Variants in ATP2A3 observed in about 807,000 individuals in gnomAD.
The protein encoded by ATP2A3 is sarcoplasmic/endoplasmic reticulum calcium ATPase 3.
In ATP2A3, 61 loss-of-function variants were observed where a neutral mutation model predicts 106.8. That is an observed-to-expected ratio of 0.57 (90% CI 0.46 to 0.71). The LOEUF is 0.71. Among genes scored for constraint, ATP2A3 ranks in the 30% least tolerant of loss-of-function variants. The pLI, the probability that ATP2A3 is intolerant of heterozygous loss-of-function variation, is 0.00. For missense variants in ATP2A3, 1,201 were observed against 1,423.5 expected, an observed-to-expected ratio of 0.84 and a Z score of 2.52; for synonymous variants, 611 against 609.3, an observed-to-expected ratio of 1.00 and a Z score of -0.04.
At position 3,947,789 on chromosome 17, in the gene ATP2A3, C is replaced by G; in HGVS notation, c.697G>C (p.Gly233Arg). 6.2e-7 allele frequency: 1 copy of G among 1,601,902 alleles called. No homozygotes were observed. Among genetic ancestry groups the G allele is most frequent in the Non-Finnish European group, 8.5e-7 (1 of 1,179,858 alleles). Reference sequence around the variant, plus strand: ...GCCGCCATCTGGCTCCGGATCTTGCCCAGCTCCGTGTGCAGGCCGGTGGCC... The same window carrying G: ...GCCGCCATCTGGCTCCGGATCTTGCGCAGCTCCGTGTGCAGGCCGGTGGCC... ...AVATGLHTELGKIRSQMAAVE... is the reference protein window; with the variant it reads ...AVATGLHTELRKIRSQMAAVE... Residue 233 changes from glycine to arginine, a missense_variant, in exon 8 of 21, where the codon GGC becomes CGC. This residue lies in a region of ATP2A3 where 935 missense variants were observed against 1,176.7 expected (regional missense o/e 0.79). Transcript: ENST00000397041. The surrounding 1 kb of genome is among the most constrained non-coding windows in gnomAD (Gnocchi z 7.7).
chr17:3,924,880 CACCCTCGCTGT>C lies in ATP2A3; in HGVS notation c.*531_*541del. ...GCAGAGTGGAGTGGAGGGGGCTGCCCACCCTCGCTGTACACAGCTGGGCCCAGATGGCCCCT... is the reference window on the plus strand; with the variant it reads ...GCAGAGTGGAGTGGAGGGGGCTGCCCACACAGCTGGGCCCAGATGGCCCCT... On this transcript the variant is annotated 3_prime_UTR_variant, in exon 21 of 21. Coordinates refer to ENST00000397041, the MANE Select transcript of ATP2A3 (RefSeq NM_005173.4). This position sits in a 1 kb window ranked among gnomAD's most constrained non-coding sequence, Gnocchi z 6.4. The C allele has an allele frequency of 2.2e-6, 1 of 456,866 alleles. No homozygotes were observed. Among genetic ancestry groups the C allele is most frequent in the South Asian group, 1.6e-5 (1 of 64,516 alleles). 28.3% of individuals were successfully genotyped at this position (456,866 alleles called of 1,614,324 possible).
Position 3,925,051 on chromosome 17 carries a change from G to A in ATP2A3, c.*371C>T, listed in dbSNP as rs776504457. ...AGTGAACGTCCAGCTTCCGAACAAG[G>A]GGGAGCAAGCTCCAGCTGCACTCGT... On this transcript the variant is annotated 3_prime_UTR_variant, in exon 21 of 21. Transcript: ENST00000397041. The surrounding 1 kb of genome is among the most constrained non-coding windows in gnomAD (Gnocchi z 4.2). 1 of 459,948 alleles carries A rather than the reference G, an allele frequency of 2.2e-6. No individual in the cohort carries two copies. 28.5% of individuals were successfully genotyped at this position (459,948 alleles called of 1,614,324 possible).
intron 15 of ATP2A3, 67 bp downstream of exon 15, chr17:3,937,349 C>T (rs1009879224): frequency 6.5e-6 from 10 of 1,529,892 alleles, no homozygotes; most frequent in Admixed American, 1.8e-5. Context: ...GAGGAACAGG[C>T]GTTTTCCCCA....
In ATP2A3 at chr17:3,925,308, C is replaced by G. The variant is rs957920884; in HGVS notation, c.*114G>C. On this transcript the variant is annotated 3_prime_UTR_variant, in exon 21 of 21. Transcript: ENST00000397041. This position sits in a 1 kb window ranked among gnomAD's most constrained non-coding sequence, Gnocchi z 4.2. Reference sequence around the variant, plus strand: ...GACCTCGGGCCTGTCATTTATCCGGCGGGACCCGGTGGGCAAGTGGGCGAG... The same window carrying G: ...GACCTCGGGCCTGTCATTTATCCGGGGGGACCCGGTGGGCAAGTGGGCGAG... 6.3e-7 allele frequency: 1 copy of G among 1,577,352 alleles called. No individual in the cohort carries two copies. The highest frequency in any genetic ancestry group is 8.7e-7 in the Non-Finnish European group (1 of 1,153,696).
rs1405927789 is a variant in ATP2A3, at chr17:3,936,562, C to T, written c.2322-93G>A. 1 of 1,365,196 alleles carries T rather than the reference C, an allele frequency of 7.3e-7. No homozygotes were observed. The highest frequency in any genetic ancestry group is 1.0e-6 in the Non-Finnish European group (1 of 962,026). The allele number at this position is 1,365,196 out of a possible 1,614,324, so 84.6% of individuals were successfully genotyped here. A position where few individuals can be genotyped will look rare whatever the true frequency, so the allele number is the denominator to read the frequency against. ...GCTCAGACCCAAGGCTGGGAGCTCA[C>T]CCACCCACTGTCTCCACAGCAGCCC... On this transcript the variant is annotated intron_variant, in intron 15 of 20. Coordinates refer to ENST00000397041, the MANE Select transcript of ATP2A3 (RefSeq NM_005173.4). The surrounding 1 kb of genome is among the most constrained non-coding windows in gnomAD (Gnocchi z 5.4).
chr17:3,931,171 T>C (rs923914484), intron 17 of ATP2A3, among the ~76,000 whole-genome samples: 4 of 151,866 alleles, frequency 2.6e-5, no homozygotes, highest in Non-Finnish European at 5.9e-5. Context: ...TTACACCTCA[T>C]ACCTCACTCC....
In ATP2A3 at chr17:3,928,374, G is replaced by A; in HGVS notation, c.2980+289C>T. 5 of 1,559,580 alleles carry A rather than the reference G, an allele frequency of 3.2e-6. No homozygotes were observed. The South Asian group carries it at 5.6e-5, about 18-fold the overall frequency. ...GCTGAGGCCCAGAAGAGCACACAGT[G>A]CCCTGGCCATGTAGGGGGTGGCAGG... On this transcript the variant is annotated intron_variant, in intron 20 of 20. Transcript: ENST00000397041. This position sits in a 1 kb window ranked among gnomAD's most constrained non-coding sequence, Gnocchi z 6.1.
intron 12 of ATP2A3, 133 bp downstream of exon 12, chr17:3,942,473 G>C: frequency 7.4e-7 from 1 of 1,354,196 alleles, no homozygotes. Flanking sequence ...ACCGGTTAGA[G>C]GCAAAAGGGG....
chr17:3,940,036 TTTTTTTG>T (rs1302431716), intron 14 of ATP2A3, among the ~76,000 whole-genome samples: 1 of 116,086 alleles, frequency 8.6e-6, no homozygotes, highest in Non-Finnish European at 1.7e-5. Flanking sequence ...CATATCTTTT[TTTTTTTG>T]TTTTTTGTTT....
rs1334618835 is a variant in ATP2A3, at chr17:3,937,027, T to G, written c.2321+389A>C. 6 of 353,972 alleles carry G rather than the reference T, an allele frequency of 1.7e-5. No individual in the cohort carries two copies. The East Asian group carries it at 4.3e-4, about 25-fold the overall frequency. 21.9% of individuals were successfully genotyped at this position (353,972 alleles called of 1,614,324 possible). ...GAGCACACATGCAAAATATACACAT[T>G]ACACACACCTCTCACTCAGGCACTC... On this transcript the variant is annotated intron_variant, in intron 15 of 20. Coordinates refer to ENST00000397041, the MANE Select transcript of ATP2A3 (RefSeq NM_005173.4).
rs1262460409 is a variant in ATP2A3, at chr17:3,941,489, G to A, written c.1711C>T (p.Pro571Ser). Reference protein sequence around the residue: ...CLALATRDAPPRKEDMELDDC... With the variant: ...CLALATRDAPSRKEDMELDDC... Reference sequence around the variant, plus strand: ...TCCAGCTCCATGTCCTCCTTCCTTGGGGGCGCGTCCCGGGTGGCCAGTGCC... The same window carrying A: ...TCCAGCTCCATGTCCTCCTTCCTTGAGGGCGCGTCCCGGGTGGCCAGTGCC... Residue 571 changes from proline to serine, a missense_variant, in exon 13 of 21, where the codon CCA (proline) becomes TCA (serine). Coordinates refer to ENST00000397041, the MANE Select transcript of ATP2A3 (RefSeq NM_005173.4). The A allele has an allele frequency of 1.9e-6, 3 of 1,613,684 alleles. No homozygotes were observed. The highest frequency in any genetic ancestry group is 1.3e-5 in the African/African-American group (1 of 74,938).
chr17:3,937,053 A>G, intron 15 of ATP2A3: 1 of 375,126 alleles, frequency 2.7e-6, no homozygotes, highest in Non-Finnish European at 5.1e-6. Context: ...TCAGGCACTC[A>G]GGCCATGTGC....
intron 3 of ATP2A3, among the ~76,000 whole-genome samples, chr17:3,952,586 C>T (rs142925180): frequency 3.3e-5 from 5 of 152,170 alleles, no homozygotes; most frequent in African/African-American, 4.8e-5. Context: ...TGGCAATGTC[C>T]GAAGACATTT....
At chr17:3,939,835 C>A (rs2053645683) in intron 14 of ATP2A3, among the ~76,000 whole-genome samples, 1 of 131,456 alleles carries the variant, frequency 7.6e-6, no homozygotes, top group Admixed American at 7.9e-5. Flanking sequence ...TACGACAAGG[C>A]AGATAGATCT....
chr17:3,938,869 C>T (rs1041702242), intron 14 of ATP2A3, among the ~76,000 whole-genome samples: 4 of 152,132 alleles, frequency 2.6e-5, no homozygotes, highest in Middle Eastern at 3.2e-3. Context: ...TTAAGCTCAA[C>T]GTAAATAGTT....
intron 1 of ATP2A3, among the ~76,000 whole-genome samples, chr17:3,959,187 C>A (rs1257844229): frequency 6.6e-6 from 1 of 152,150 alleles, no homozygotes; most frequent in East Asian, 1.9e-4. Context: ...GTGCTAGCCA[C>A]CGCGCCCGGC....
chr17:3,958,789 T>C (rs1479618495), intron 1 of ATP2A3, among the ~76,000 whole-genome samples: 2 of 94,936 alleles, frequency 2.1e-5, no homozygotes, highest in South Asian at 2.7e-4. Context: ...CACATATATA[T>C]ACACATATAT....
chr17:3,959,438 C>T (rs1433209404), intron 1 of ATP2A3, among the ~76,000 whole-genome samples: 1 of 152,192 alleles, frequency 6.6e-6, no homozygotes, highest in Non-Finnish European at 1.5e-5. Context: ...ATTGTTTACT[C>T]AGTTGCTCCG....
At chr17:3,937,659 C>T in intron 14 of ATP2A3, 23 bp from the exon 15 acceptor site, 1 of 1,609,976 alleles carries the variant, frequency 6.2e-7, no homozygotes, top group South Asian at 1.1e-5. Context: ...TCAGGTAGGG[C>T]TGTGCCTGAG....
Sources: allele counts gnomAD v4.1 joint callset (sites outside exome capture counted in the v4.1 genomes callset), GRCh38; gene constraint gnomAD v4.1.1; regional missense constraint gnomAD v4.1.1; non-coding constraint Gnocchi (gnomAD v3.1); transcripts MANE v1.5; gene names NCBI Gene and HGNC (gene_info 2026-07-23, HGNC 2026-07-21).